The following LAPTM5 variants were observed in gnomAD, a reference collection of about 807,000 sequenced individuals.
The protein encoded by LAPTM5 is lysosomal-associated transmembrane protein 5.
A neutral mutation model predicts 30.1 loss-of-function variants in LAPTM5; 11 were observed. That is an observed-to-expected ratio of 0.37 (90% CI 0.23 to 0.60). The LOEUF is 0.60. Ranked by LOEUF, LAPTM5 falls within the 20% of genes least tolerant of loss-of-function variation. The pLI is 0.71. For missense variants in LAPTM5, 324 were observed against 332.5 expected, an observed-to-expected ratio of 0.97 and a Z score of 0.20; for synonymous variants, 151 against 137.9, an observed-to-expected ratio of 1.10 and a Z score of -0.67.
At chr1:30,742,059 G>C (rs1639979101) in intron 2 of LAPTM5, 1 of 363,028 alleles carries the variant, frequency 2.8e-6, no homozygotes, top group Non-Finnish European at 5.1e-6. Context: ...AGTGTGGCTG[G>C]AGCAAGGTGT....
intron 5 of LAPTM5, among the ~76,000 whole-genome samples, chr1:30,738,096 A>G (rs1639914280): frequency 6.6e-6 from 1 of 152,074 alleles, no homozygotes; most frequent in African/African-American, 2.4e-5. Flanking sequence ...GAAACCAATG[A>G]CTGATGCAGG....
At chr1:30,747,552 G>A (rs532607783) in intron 1 of LAPTM5, among the ~76,000 whole-genome samples, 4 of 152,102 alleles carry the variant, frequency 2.6e-5, no homozygotes, top group South Asian at 4.1e-4. Context: ...CCGTCTGCAC[G>A]CAGCCTTTCT....
chr1:30,737,822 C>A, intron 5 of LAPTM5, 123 bp from the exon 6 acceptor site: 1 of 621,074 alleles, frequency 1.6e-6, no homozygotes, highest in South Asian at 2.0e-5. Context: ...GCACAGCCGT[C>A]ACCTTGGTCG....
intron 1 of LAPTM5, among the ~76,000 whole-genome samples, chr1:30,747,049 G>A (rs1640059279): frequency 6.6e-6 from 1 of 152,184 alleles, no homozygotes; most frequent in Non-Finnish European, 1.5e-5. Context: ...CATGAATGGT[G>A]TGCTCAGAGC....
chr1:30,743,565 C>G (rs1640001054), intron 1 of LAPTM5, among the ~76,000 whole-genome samples: 1 of 152,196 alleles, frequency 6.6e-6, no homozygotes, highest in Non-Finnish European at 1.5e-5. Flanking sequence ...TCCATGTCCT[C>G]ACAGCAAGCC....
In LAPTM5 at chr1:30,733,004, T is replaced by A. The variant is rs1053549331; in HGVS notation, c.*824A>T. On this transcript the variant is annotated 3_prime_UTR_variant, in exon 8 of 8. Coordinates refer to ENST00000294507, the MANE Select transcript of LAPTM5 (RefSeq NM_006762.3). ...GAATAGGTGAGCATTGGATTGTTGA[T>A]GACAACTCTTCAGCAGAACAATTGT... The A allele has an allele frequency of 2.0e-5, 3 of 153,024 alleles. No individual in the cohort carries two copies. The highest frequency in any genetic ancestry group is 7.2e-5 in the African/African-American group (3 of 41,456). The allele number at this position is 153,024 out of a possible 1,614,324, so 9.5% of individuals were successfully genotyped here.
chr1:30,743,111 C>T (rs77631014), intron 1 of LAPTM5, among the ~76,000 whole-genome samples: 1,732 of 152,278 alleles, frequency 0.011, 33 homozygotes, highest in African/African-American at 0.039. Flanking sequence ...TCTCCCATGG[C>T]CCCTCAGGGA....
At chr1:30,742,598 C>A in intron 1 of LAPTM5, 49 bp from the exon 2 acceptor site, 1 of 1,447,498 alleles carries the variant, frequency 6.9e-7, no homozygotes, top group South Asian at 1.2e-5. Context: ...TCACGGCCCC[C>A]CGACCAGCCC....
At chr1:30,749,762 C>T (rs1366661473) in intron 1 of LAPTM5, among the ~76,000 whole-genome samples, 1 of 152,170 alleles carries the variant, frequency 6.6e-6, no homozygotes, top group African/African-American at 2.4e-5. Context: ...GAGGAAAGGG[C>T]ATGAGCAGAG....
intron 1 of LAPTM5, among the ~76,000 whole-genome samples, chr1:30,751,882 G>A (rs1640143857): frequency 6.6e-6 from 1 of 152,200 alleles, no homozygotes; most frequent in Admixed American, 6.5e-5. Context: ...TTACAGATGA[G>A]GAAGGCAAGG....
intron 7 of LAPTM5, among the ~76,000 whole-genome samples, chr1:30,734,705 T>A (rs1639861648): frequency 6.6e-6 from 1 of 152,228 alleles, no homozygotes; most frequent in South Asian, 2.1e-4. Context: ...TAAGCACACC[T>A]CATCCTCTCT....
At chr1:30,755,847 G>T (rs903600225) in intron 1 of LAPTM5, among the ~76,000 whole-genome samples, 1 of 152,214 alleles carries the variant, frequency 6.6e-6, no homozygotes, top group Non-Finnish European at 1.5e-5. Context: ...CATCAGAAGA[G>T]CGGCCACCAG....
Position 30,744,587 on chromosome 1 carries a change from C to T in LAPTM5, c.88-2038G>A, listed in dbSNP as rs941989492. On this transcript the variant is annotated intron_variant, in intron 1 of 7. Coordinates refer to ENST00000294507, the MANE Select transcript of LAPTM5 (RefSeq NM_006762.3). ...TCTGGAACAAAGCCTAGAATCAGAT[C>T]ATCTCAACCTCCCCTTGCTAGAAGG... is the stretch of plus-strand genomic sequence containing the variant. 6.6e-5 allele frequency among the ~76,000 whole-genome samples: 10 copies of T among 152,298 alleles called. No homozygotes were observed. The South Asian group carries it at 2.1e-3, about 32-fold the overall frequency.
chr1:30,735,383 C>T, intron 6 of LAPTM5, 118 bp from the exon 7 acceptor site: 1 of 798,904 alleles, frequency 1.3e-6, no homozygotes. Context: ...CATCCAGCTG[C>T]TCCTGCTCGG....
intron 1 of LAPTM5, among the ~76,000 whole-genome samples, chr1:30,745,545 CA>C (rs1342727581): frequency 1.3e-5 from 2 of 152,192 alleles, no homozygotes. Context: ...CTTTTCTCAA[CA>C]ACCCTGCGGC....
At chr1:30,735,080 A>C in intron 7 of LAPTM5, 93 bp downstream of exon 7, 5 of 838,576 alleles carry the variant, frequency 6.0e-6, no homozygotes, top group African/African-American at 1.7e-5. Context: ...TCTTACAAAT[A>C]GAGAAACCAA....
intron 7 of LAPTM5, 62 bp downstream of exon 7, chr1:30,735,111 C>T: frequency 8.2e-7 from 1 of 1,220,472 alleles, no homozygotes; most frequent in African/African-American, 1.5e-5. Context: ...GGGAAGGAAA[C>T]TTGACCCAAA....
At chr1:30,748,428 CATT>C (rs1401966426) in intron 1 of LAPTM5, among the ~76,000 whole-genome samples, 1 of 152,116 alleles carries the variant, frequency 6.6e-6, no homozygotes, top group Non-Finnish European at 1.5e-5. Flanking sequence ...CTGCCATCAT[CATT>C]ATTATTATGG....
At chr1:30,752,549 G>C (rs1640152257) in intron 1 of LAPTM5, among the ~76,000 whole-genome samples, 1 of 152,182 alleles carries the variant, frequency 6.6e-6, no homozygotes, top group Non-Finnish European at 1.5e-5. Flanking sequence ...CCCAAGCAAA[G>C]CCCTACTCAT....
Sources: gnomAD v4.1 joint callset for allele counts (sites outside exome capture counted in the v4.1 genomes callset) on GRCh38, gnomAD v4.1.1 for gene constraint, MANE v1.5 for transcripts, NCBI Gene and HGNC (gene_info 2026-07-23, HGNC 2026-07-21) for gene names.